Variants in SEM1 observed in about 807,000 individuals in gnomAD.
SEM1 encodes SEM1 26S proteasome subunit.
Under a neutral mutation model 12.7 loss-of-function variants are expected in SEM1, and 3 were observed. That is an observed-to-expected ratio of 0.24 (90% CI 0.11 to 0.61). The LOEUF is 0.61. Among genes scored for constraint, SEM1 ranks in the 20% least tolerant of loss-of-function variants. SEM1 has a pLI of 0.88. For missense variants in SEM1, 59 were observed against 81.3 expected, an observed-to-expected ratio of 0.73 and a Z score of 1.06; for synonymous variants, 30 against 27.8, an observed-to-expected ratio of 1.08 and a Z score of -0.25.
chr7:96,698,804 G>A (rs948670391), intron 1 of SEM1, among the ~76,000 whole-genome samples: 2 of 152,028 alleles, frequency 1.3e-5, no homozygotes, highest in African/African-American at 4.8e-5. Flanking sequence ...TGGGTCAAAT[G>A]GTTATTTCTA....
intron 2 of SEM1, among the ~76,000 whole-genome samples, chr7:96,513,635 C>T (rs1225641198): frequency 1.3e-5 from 2 of 151,944 alleles, no homozygotes; most frequent in African/African-American, 2.4e-5. Context: ...TCCAGACTAG[C>T]GTGGCCAACA....
Position 96,501,412 on chromosome 7 carries a change from G to A in SEM1, c.*60+5211C>T, listed in dbSNP as rs148162469. On this transcript the variant is annotated intron_variant and NMD_transcript_variant, in intron 3 of 3. Transcript: ENST00000466986. ...GCCTTCTTCAACTCTCTGATTTAGG[G>A]CATCTTAGTAGTATATAGACCTTTC... is the stretch of plus-strand genomic sequence containing the variant. 1.7e-3 allele frequency among the ~76,000 whole-genome samples: 260 copies of A among 152,044 alleles called. 1 individual carries two copies. Among genetic ancestry groups the A allele is most frequent in the African/African-American group, 6.1e-3 (252 of 41,526 alleles).
At chr7:96,677,995 C>A (rs1789499950) in intron 2 of SEM1, among the ~76,000 whole-genome samples, 1 of 152,202 alleles carries the variant, frequency 6.6e-6, no homozygotes, top group Admixed American at 6.6e-5. Context: ...AACTAACAGA[C>A]TACTTTCAGT....
chr7:96,550,303 T>C (rs895652763), intron 2 of SEM1, among the ~76,000 whole-genome samples: 8 of 152,186 alleles, frequency 5.3e-5, no homozygotes, highest in Admixed American at 1.3e-4. Context: ...TCATGTTTAA[T>C]TGTTTAACAT....
intron 2 of SEM1, among the ~76,000 whole-genome samples, chr7:96,514,939 C>G (rs1804043268): frequency 6.6e-6 from 1 of 151,836 alleles, no homozygotes; most frequent in Non-Finnish European, 1.5e-5. Flanking sequence ...GCAAAAAGAC[C>G]CAGGATACAC....
downstream of SEM1, chr7:96,622,041 A>G (rs1421308132): frequency 6.6e-6 from 1 of 152,412 alleles, no homozygotes; most frequent in African/African-American, 2.4e-5. Flanking sequence ...TAAACCAAGT[A>G]TCAGGAGAAG....
intron 2 of SEM1, among the ~76,000 whole-genome samples, chr7:96,606,195 A>G (rs1299282912): frequency 6.6e-6 from 1 of 152,210 alleles, no homozygotes; most frequent in Admixed American, 6.5e-5. Context: ...AAAACATGGT[A>G]TACATAGGGT....
downstream of SEM1, among the ~76,000 whole-genome samples, chr7:96,619,776 G>T (rs991542401): frequency 1.3e-5 from 2 of 152,072 alleles, no homozygotes; most frequent in Non-Finnish European, 2.9e-5. Context: ...GCCACCCATA[G>T]CAGGGCAGTG....
chr7:96,532,503 T>C (rs1804670724), intron 2 of SEM1, among the ~76,000 whole-genome samples: 1 of 152,138 alleles, frequency 6.6e-6, no homozygotes, highest in African/African-American at 2.4e-5. Context: ...CCCTCAGATA[T>C]AATATTTCTT....
chr7:96,642,030 T>G (rs898870218), intron 2 of SEM1, among the ~76,000 whole-genome samples: 1 of 152,044 alleles, frequency 6.6e-6, no homozygotes, highest in Admixed American at 6.6e-5. Context: ...ATGGGTGGCA[T>G]TAACCACATG....
intron 2 of SEM1, among the ~76,000 whole-genome samples, chr7:96,601,305 A>C (rs1196669971): frequency 6.6e-6 from 1 of 152,192 alleles, no homozygotes; most frequent in Non-Finnish European, 1.5e-5. Context: ...TAAATGATTA[A>C]CATATAGTAT....
chr7:96,505,407 T>C (rs1803723443), intron 3 of SEM1, among the ~76,000 whole-genome samples: 1 of 152,112 alleles, frequency 6.6e-6, no homozygotes. Flanking sequence ...CCTGGCCTTA[T>C]AAGGAGTTAT....
At chr7:96,541,505 G>C (rs1297873026) in intron 2 of SEM1, among the ~76,000 whole-genome samples, 1 of 121,012 alleles carries the variant, frequency 8.3e-6, no homozygotes, top group Admixed American at 9.9e-5. Flanking sequence ...TTAGACCTTT[G>C]TTGGATGTAT....
At chr7:96,512,081 GACACAGC>G (rs1803952294) in intron 2 of SEM1, among the ~76,000 whole-genome samples, 1 of 152,068 alleles carries the variant, frequency 6.6e-6, no homozygotes, top group African/African-American at 2.4e-5. Context: ...TTCATCAAAA[GACACAGC>G]TTTTGGACAC....
At chr7:96,650,682 GCGCA>G (rs1243597035) in intron 2 of SEM1, among the ~76,000 whole-genome samples, 4 of 151,436 alleles carry the variant, frequency 2.6e-5, no homozygotes, top group Non-Finnish European at 4.4e-5. Flanking sequence ...ACACAGATGC[GCGCA>G]CACACACACA....
chr7:96,556,899 CT>C (rs1168301661), intron 2 of SEM1, among the ~76,000 whole-genome samples: 2 of 140,622 alleles, frequency 1.4e-5, no homozygotes, highest in African/African-American at 5.3e-5. Context: ...TCTTTTTATT[CT>C]TTTTTCTCTA....
intron 2 of SEM1, among the ~76,000 whole-genome samples, chr7:96,680,838 A>G (rs1789589443): frequency 6.6e-6 from 1 of 152,130 alleles, no homozygotes; most frequent in South Asian, 2.1e-4. Flanking sequence ...TGAAATCAAT[A>G]TTCTGGCCAT....
At chr7:96,630,024 G>A (rs1487893102) in intron 2 of SEM1, among the ~76,000 whole-genome samples, 2 of 152,208 alleles carry the variant, frequency 1.3e-5, no homozygotes, top group African/African-American at 4.8e-5. Flanking sequence ...GCTGGCAGTG[G>A]AGTGACCCAA....
intron 2 of SEM1, among the ~76,000 whole-genome samples, chr7:96,575,204 C>A (rs1204448464): frequency 6.6e-6 from 1 of 152,142 alleles, no homozygotes; most frequent in African/African-American, 2.4e-5. Context: ...TGTTAGTTTT[C>A]CTTCTAACAG....
Sources: gnomAD v4.1 joint callset for allele counts (sites outside exome capture counted in the v4.1 genomes callset) on GRCh38, gnomAD v4.1.1 for gene constraint, MANE v1.5 for transcripts, NCBI Gene and HGNC (gene_info 2026-07-23, HGNC 2026-07-21) for gene names.